The following KIF22 variants were observed in gnomAD, a reference collection of about 807,000 sequenced individuals.
KIF22 encodes kinesin family member 22.
KIF22 carries 62 observed loss-of-function variants against 73.0 expected under a neutral mutation model. The ratio of observed to expected loss-of-function variants is 0.85; its 90% confidence interval spans 0.69 to 1.05. The LOEUF is 1.05. KIF22 is among the 50% of genes least tolerant of loss of function. KIF22 has a pLI of 0.00. For synonymous variants in KIF22, 411 were observed against 340.1 expected (o/e 1.21, Z -2.29); for missense variants, 854 against 870.1 (o/e 0.98, Z 0.23).
At chr16:29,805,232 C>G (rs755599745) in intron 13 of KIF22, 31 bp from the exon 14 acceptor site, 3 of 1,613,972 alleles carry the variant, frequency 1.9e-6, no homozygotes, top group Middle Eastern at 1.6e-4. Flanking sequence ...CCCTCTCTAA[C>G]GTCGCTGTCT....
chr16:29,797,176 C>A lies in KIF22; in HGVS notation c.266+88C>A. 1 of 999,136 alleles carries A rather than the reference C, an allele frequency of 1.0e-6. No individual in the cohort carries two copies. The highest frequency in any genetic ancestry group is 1.5e-6 in the Non-Finnish European group (1 of 673,864). The allele number at this position is 999,136 out of a possible 1,614,324, so 61.9% of individuals were successfully genotyped here. A position where few individuals can be genotyped will look rare whatever the true frequency, so the allele number is the denominator to read the frequency against. The stretch of plus-strand genomic sequence containing the variant: ...TTCCCCTGCCTCCCCAGGATCCTTG[C>A]TCCCTCCTTAGCACCGCTTTGTTCC... On this transcript the variant is annotated intron_variant, in intron 2 of 13. Coordinates refer to ENST00000160827, the MANE Select transcript of KIF22 (RefSeq NM_007317.3). This position sits in a 1 kb window ranked among gnomAD's most constrained non-coding sequence, Gnocchi z 4.1.
chr16:29,804,826 G>A lies in KIF22; in HGVS notation c.1690G>A (p.Asp564Asn). 1.2e-6 allele frequency: 2 copies of A among 1,609,478 alleles called. No homozygotes were observed. Among genetic ancestry groups the A allele is most frequent in the Non-Finnish European group, 1.7e-6 (2 of 1,178,084 alleles). Residue 564 changes from aspartate (D) to asparagine (N), a missense_variant, in exon 12 of 14, where the codon GAT (aspartate) becomes AAT (asparagine). Asp to Asn is a conservative substitution (Grantham distance 23, BLOSUM62 1). Around this residue, in one of 3 missense-constraint regions of KIF22, gnomAD observed 423 missense variants for 365.4 expected, o/e 1.16. Transcript: ENST00000160827. Reference protein sequence around the residue: ...KGRKRKLESLDALEPEEKAED... With the variant: ...KGRKRKLESLNALEPEEKAED... ...CTTTGCCTCCCAGCTGGAGTCCCTG[G>A]ATGCCCTAGAGCCTGAGGAGAAGGC...
At chr16:29,804,325 T>C (rs1251090265) in intron 11 of KIF22, 9 of 602,054 alleles carry the variant, frequency 1.5e-5, no homozygotes, top group Non-Finnish European at 2.7e-5. Context: ...TCTACAAGCT[T>C]AAGAGGGAAA....
chr16:29,799,775 C>T lies in KIF22; in HGVS notation c.1138C>T (p.Pro380Ser), dbSNP rs1318020823. The T allele has an allele frequency of 1.2e-6, 2 of 1,613,684 alleles. No individual in the cohort carries two copies. Among genetic ancestry groups the T allele is most frequent in the Non-Finnish European group, 1.7e-6 (2 of 1,179,792 alleles). ...GCCTTTTACCAATGAGAGCCTGCAG[C>T]CTCATGGTGAGAACTGGGGGAGGCA... is the stretch of plus-strand genomic sequence containing the variant. Reference protein sequence around the residue: ...NRPFTNESLQPHALGPVKLSQ... With the variant: ...NRPFTNESLQSHALGPVKLSQ... The change falls in exon 7 of 14, where the codon CCT becomes TCT. Residue 380 changes from proline to serine, a missense_variant. Transcript: ENST00000160827.
chr16:29,796,757 G>GGT (rs1245914153), intron 1 of KIF22, 136 bp from the exon 2 acceptor site: 2 of 749,996 alleles, frequency 2.7e-6, no homozygotes, highest in African/African-American at 3.4e-5. Context: ...CAAGCTTAGG[G>GGT]GTGTCCACAA....
At position 29,796,575 on chromosome 16, in the gene KIF22, C is replaced by T. The variant is rs563012681; in HGVS notation, c.71-318C>T. Among the ~76,000 whole-genome samples, 293 of 151,654 alleles carry T rather than the reference C, an allele frequency of 1.9e-3. 2 individuals are homozygous for T. The highest frequency in any genetic ancestry group is 1.8e-3 in the Non-Finnish European group (119 of 67,880). On this transcript the variant is annotated intron_variant, in intron 1 of 13. Coordinates refer to ENST00000160827, the MANE Select transcript of KIF22 (RefSeq NM_007317.3). ...CTCTTTTTTTTTTTTAAGTGCCCAG[C>T]ATCACCTGGGAGCTTGTTAGAAATG...
Position 29,790,793 on chromosome 16 carries a change from C to T in KIF22, c.34C>T (p.Arg12Cys), listed in dbSNP as rs767984159. 12 of 1,603,726 alleles carry T rather than the reference C, an allele frequency of 7.5e-6. No individual in the cohort carries two copies. The highest frequency in any genetic ancestry group is 9.4e-6 in the Non-Finnish European group (11 of 1,175,344). The stretch of plus-strand genomic sequence containing the variant: ...GGGCGGCTCGACGCAGCAGAGGCGA[C>T]GCGAGATGGCGGCAGCTTCAGCGGC... ...AAGGSTQQRR[R>C]EMAAASAAAI... Residue 12 changes from arginine to cysteine, a missense_variant, in exon 1 of 14, where the codon CGC (arginine) becomes TGC (cysteine). Coordinates refer to ENST00000160827, the MANE Select transcript of KIF22 (RefSeq NM_007317.3).
chr16:29,803,723 A>G (rs767642288), intron 10 of KIF22, 115 bp downstream of exon 10: 1 of 935,606 alleles, frequency 1.1e-6, no homozygotes, highest in Non-Finnish European at 1.6e-6. Context: ...TACCAGTCCC[A>G]GGGAGGGGTG....
chr16:29,803,462 A>G lies in KIF22; in HGVS notation c.1463A>G (p.Lys488Arg). ...CCTTTCCAACAGAGGCTTAAGACGA[A>G]GCAAAAAGAACTGGAGGCCAAGATG... ...KDLEIERLKT[K>R]QKELEAKMLA... The change falls in exon 10 of 14, where the codon AAG (lysine) becomes AGG (arginine). Residue 488 changes from lysine (K) to arginine (R), a missense_variant. Transcript: ENST00000160827. The G allele has an allele frequency of 6.2e-7, 1 of 1,614,154 alleles. No individual in the cohort carries two copies. The highest frequency in any genetic ancestry group is 1.1e-5 in the South Asian group (1 of 91,078).
At chr16:29,803,339 G>A (rs958145594) in intron 9 of KIF22, 110 bp from the exon 10 acceptor site, 4 of 1,340,382 alleles carry the variant, frequency 3.0e-6, no homozygotes, top group East Asian at 4.7e-5. Flanking sequence ...ACTGGTCCTA[G>A]CCCTGCCCTC....
rs1162954898 is a variant in KIF22 at position 29,798,993 on chromosome 16, C to T, written c.568C>T (p.Pro190Ser). The change falls in exon 5 of 14, where the codon CCT becomes TCT. Residue 190 changes from proline (P) to serine (S), a missense_variant. By Grantham distance (74) the Pro-to-Ser change is moderately conservative. This residue lies in a region of KIF22 where 245 missense variants were observed against 351.8 expected (regional missense o/e 0.70). Transcript: ENST00000160827. The surrounding 1 kb of genome is among the most constrained non-coding windows in gnomAD (Gnocchi z 4.1). Reference sequence around the variant, plus strand: ...TACACAGGTATTAGACCTCCTGGACCCTGCTTCGGGAGACCTGGTAATCCG... The same window carrying T: ...TACACAGGTATTAGACCTCCTGGACTCTGCTTCGGGAGACCTGGTAATCCG... ...YQEKVLDLLDPASGDLVIRED... is the reference protein window; with the variant it reads ...YQEKVLDLLDSASGDLVIRED... 6.2e-7 allele frequency: 1 copy of T among 1,614,204 alleles called. No homozygotes were observed. The highest frequency in any genetic ancestry group is 8.5e-7 in the Non-Finnish European group (1 of 1,180,042).
At position 29,804,889 on chromosome 16, in the gene KIF22, C is replaced by T; in HGVS notation, c.1753C>T (p.Leu585=). ...GGAGCTACAGATCAGCCCGGAGCTA[C>T]TGGCTCATGGGCGCCAAAAAATACT... ...CWELQISPEL[L]AHGRQKILDL... is the part of the protein sequence containing the mutation. The change falls in exon 12 of 14, where the codon CTG becomes TTG. Residue 585 remains leucine, a synonymous_variant. Coordinates refer to ENST00000160827, the MANE Select transcript of KIF22 (RefSeq NM_007317.3). 1 of 1,614,018 alleles carries T rather than the reference C, an allele frequency of 6.2e-7. No individual in the cohort carries two copies. The highest frequency in any genetic ancestry group is 8.5e-7 in the Non-Finnish European group (1 of 1,180,028).
Position 29,800,330 on chromosome 16 carries a change from G to GC in KIF22, c.1280+284dup, listed in dbSNP as rs1899095580. The GC allele has an allele frequency of 1.2e-5, 3 of 247,954 alleles. No homozygotes were observed. In the Admixed American group the frequency reaches 1.5e-4, roughly 13 times the overall value. The allele number at this position is 247,954 out of a possible 1,614,324, so 15.4% of individuals were successfully genotyped here. A position where few individuals can be genotyped will look rare whatever the true frequency, so the allele number is the denominator to read the frequency against. ...AAAGTAGCCGGATGTGGTGGCATGT[G>GC]CCTGTAATCCCAGCTACTTGGGAGG... On this transcript the variant is annotated intron_variant, in intron 8 of 13. Coordinates refer to ENST00000160827, the MANE Select transcript of KIF22 (RefSeq NM_007317.3).
chr16:29,792,531 T>G, intron 1 of KIF22: 1 of 395,854 alleles, frequency 2.5e-6, no homozygotes, highest in Non-Finnish European at 3.4e-6. Flanking sequence ...AGGATAAAAC[T>G]TGTTCTCACA....
chr16:29,794,011 A>T (rs2142366190), intron 1 of KIF22, among the ~76,000 whole-genome samples: 1 of 152,292 alleles, frequency 6.6e-6, no homozygotes, highest in South Asian at 2.1e-4. Context: ...AGTTGCAGGG[A>T]TGGAGGAGTG....
Position 29,805,371 on chromosome 16 carries a change from G to A in KIF22, c.*61G>A, listed in dbSNP as rs1899352159. ...TATAACCCCGTGTTGTGTAAATACA[G>A]TTTTTGCTCCGGTGCTTCCGCCTGA... On this transcript the variant is annotated 3_prime_UTR_variant, in exon 14 of 14. Transcript: ENST00000160827. 2.6e-6 allele frequency: 4 copies of A among 1,553,190 alleles called. No individual in the cohort carries two copies. Among genetic ancestry groups the A allele is most frequent in the Middle Eastern group, 1.7e-4 (1 of 5,944 alleles).
chr16:29,796,306 G>C (rs1438771706), intron 1 of KIF22, among the ~76,000 whole-genome samples: 5 of 142,518 alleles, frequency 3.5e-5, no homozygotes, highest in African/African-American at 5.2e-5. Context: ...CACACACACA[G>C]AAAATTCTGG....
rs754824554 is a variant in KIF22 at position 29,803,484 on chromosome 16, G to A, written c.1485G>A (p.Lys495=). The A allele has an allele frequency of 6.2e-7, 1 of 1,614,012 alleles. No homozygotes were observed. The highest frequency in any genetic ancestry group is 1.3e-5 in the African/African-American group (1 of 74,942). ...CGAAGCAAAAAGAACTGGAGGCCAA[G>A]ATGTTGGCCCAGAAGGCTGAGGAAA... ...LKTKQKELEA[K]MLAQKAEEKE... is the part of the protein sequence containing the mutation. Residue 495 remains lysine (K), a synonymous_variant, in exon 10 of 14, where the codon AAG becomes AAA. Transcript: ENST00000160827.
intron 1 of KIF22, 82 bp downstream of exon 1, chr16:29,790,911 C>G (rs1026518049): frequency 1.7e-5 from 26 of 1,534,732 alleles, no homozygotes; most frequent in Non-Finnish European, 2.1e-5. Flanking sequence ...GGTCCAGGCT[C>G]TGCGGGTTGT....
Sources: gnomAD v4.1 joint callset for allele counts (sites outside exome capture counted in the v4.1 genomes callset) on GRCh38, gnomAD v4.1.1 for gene constraint, gnomAD v4.1.1 regional missense constraint, Gnocchi (gnomAD v3.1) non-coding constraint, MANE v1.5 for transcripts, NCBI Gene and HGNC (gene_info 2026-07-23, HGNC 2026-07-21) for gene names.